The following SOX6 variants were observed in gnomAD, a reference collection of about 807,000 sequenced individuals.
SOX6 encodes SRY-box transcription factor 6, also known as transcription factor SOX-6.
In SOX6, 11 loss-of-function variants were observed where a neutral mutation model predicts 97.8. The ratio of observed to expected loss-of-function variants is 0.11; its 90% CI spans 0.07 to 0.19. The LOEUF (loss-of-function observed/expected upper bound fraction) is 0.19, where lower values mean the gene tolerates loss of function less well. Ranked by LOEUF, SOX6 falls within the 10% of genes least tolerant of loss-of-function variation. The pLI is 1.00. For missense variants in SOX6, 810 were observed against 1,039.5 expected, an observed-to-expected ratio of 0.78 and a Z score of 3.04; for synonymous variants, 360 against 371.4, an observed-to-expected ratio of 0.97 and a Z score of 0.35.
intron 9 of SOX6, among the ~76,000 whole-genome samples, chr11:16,074,825 T>C (rs925102764): frequency 6.6e-6 from 1 of 152,200 alleles, no homozygotes; most frequent in Non-Finnish European, 1.5e-5. Context: ...ATGCAATTCC[T>C]ATCAAACTAT....
chr11:16,548,096 T>C (rs1013216449), intron 4 of SOX6, among the ~76,000 whole-genome samples: 5 of 152,108 alleles, frequency 3.3e-5, no homozygotes, highest in Non-Finnish European at 5.9e-5. Flanking sequence ...TTAGAAGATA[T>C]GCAAGCTCAA....
intron 13 of SOX6, among the ~76,000 whole-genome samples, chr11:16,000,205 G>T (rs1854361731): frequency 6.6e-6 from 1 of 152,046 alleles, no homozygotes; most frequent in Admixed American, 6.6e-5. Context: ...CAAAAAAAAA[G>T]AAAAAGGATT....
intron 4 of SOX6, among the ~76,000 whole-genome samples, chr11:16,498,107 A>C (rs1401507015): frequency 3.9e-5 from 6 of 152,236 alleles, no homozygotes; most frequent in Non-Finnish European, 7.3e-5. Context: ...CATCAGACTA[A>C]CAGCTGATCT....
chr11:16,478,533 C>T (rs1197479621), upstream of SOX6, among the ~76,000 whole-genome samples: 1 of 152,124 alleles, frequency 6.6e-6, no homozygotes, highest in Non-Finnish European at 1.5e-5. Context: ...TCCAGTCGTG[C>T]TACATATGTT....
chr11:16,412,813 G>A (rs138085331), intron 1 of SOX6, among the ~76,000 whole-genome samples: 1 of 152,162 alleles, frequency 6.6e-6, no homozygotes, highest in Admixed American at 6.5e-5. Flanking sequence ...AGAAACCTCA[G>A]TAGAAAGACA....
chr11:16,365,204 G>A (rs1047552134), intron 1 of SOX6, among the ~76,000 whole-genome samples: 13 of 151,934 alleles, frequency 8.6e-5, no homozygotes, highest in African/African-American at 2.7e-4. Context: ...ACAGAGTACG[G>A]ATAGGGTTCA....
intron 12 of SOX6, among the ~76,000 whole-genome samples, chr11:16,036,311 TC>T (rs1300882211): frequency 6.6e-6 from 1 of 152,042 alleles, no homozygotes; most frequent in Non-Finnish European, 1.5e-5. Flanking sequence ...ACTCCCGACC[TC>T]AGGTGATCCA....
rs116428176 is a variant in SOX6, at chr11:16,512,190, C to T, written n.610-35802G>A. ...GAAAAGAGTACTAAGGGCTATATGT[C>T]CCAAATTGTGTATCAAGGCACCCCA... On this transcript the variant is annotated intron_variant and non_coding_transcript_variant, in intron 4 of 5. Coordinates refer to the SOX6 transcript ENST00000524520. Among the ~76,000 whole-genome samples, 1,258 of 152,152 alleles carry T rather than the reference C, an allele frequency of 8.3e-3. 21 individuals are homozygous for T. Among genetic ancestry groups the T allele is most frequent in the African/African-American group, 0.029 (1,194 of 41,500 alleles).
intron 1 of SOX6, among the ~76,000 whole-genome samples, chr11:16,362,114 GC>G (rs1044159170): frequency 1.3e-5 from 2 of 152,082 alleles, no homozygotes; most frequent in African/African-American, 4.8e-5. Flanking sequence ...CTAAAACAAA[GC>G]CCCTTCCCTT....
intron 6 of SOX6, among the ~76,000 whole-genome samples, chr11:16,142,993 AC>A (rs1850186469): frequency 6.6e-6 from 1 of 152,186 alleles, no homozygotes; most frequent in South Asian, 2.1e-4. Flanking sequence ...TTCAGGAAAT[AC>A]AGAGAACACC....
At chr11:16,505,932 T>C (rs1336379916) in intron 4 of SOX6, among the ~76,000 whole-genome samples, 1 of 152,158 alleles carries the variant, frequency 6.6e-6, no homozygotes, top group Non-Finnish European at 1.5e-5. Context: ...AGAGGATGTA[T>C]GGAAACAACT....
At chr11:16,152,312 GTCACAGGCGTGT>G (rs1316290612) in intron 6 of SOX6, among the ~76,000 whole-genome samples, 1 of 152,098 alleles carries the variant, frequency 6.6e-6, no homozygotes, top group Non-Finnish European at 1.5e-5. Flanking sequence ...ATGGTCAAAA[GTCACAGGCGTGT>G]TTGACCCCAC....
At chr11:15,986,061 C>T (rs1178629162) in intron 15 of SOX6, 143 bp downstream of exon 15, 3 of 836,584 alleles carry the variant, frequency 3.6e-6, no homozygotes, top group Admixed American at 3.7e-5. Context: ...TATGACACAG[C>T]AAAGATTCTC....
chr11:16,292,833 G>T (rs1242479258), intron 3 of SOX6, among the ~76,000 whole-genome samples: 1 of 152,164 alleles, frequency 6.6e-6, no homozygotes, highest in Non-Finnish European at 1.5e-5. Context: ...GGGAACCCGG[G>T]TTTTTAACCC....
chr11:16,096,111 T>C lies in SOX6; in HGVS notation c.986A>G (p.His329Arg). The C allele has an allele frequency of 1.2e-6, 2 of 1,609,822 alleles. No homozygotes were observed. The highest frequency in any genetic ancestry group is 1.1e-5 in the South Asian group (1 of 90,952). ...TTGGTTAATTTGTGGGTGGGAGACATGACCCTTCTGTTTAGTAGCATATTC... is the reference window on the plus strand; with the variant it reads ...TTGGTTAATTTGTGGGTGGGAGACACGACCCTTCTGTTTAGTAGCATATTC... ...GLSPLQLQKG[H>R]VSHPQINQRL... is the part of the protein sequence containing the mutation. Residue 329 changes from histidine to arginine, a missense_variant, in exon 9 of 16, where the codon CAT becomes CGT. This residue lies in a region of SOX6 where 244 missense variants were observed against 261.0 expected (regional missense o/e 0.93). Coordinates refer to ENST00000683767, the MANE Select transcript of SOX6 (RefSeq NM_001367873.1).
At chr11:16,554,472 GGGTAAGA>G (rs1187970802) in intron 4 of SOX6, among the ~76,000 whole-genome samples, 3 of 152,004 alleles carry the variant, frequency 2.0e-5, no homozygotes, top group Non-Finnish European at 4.4e-5. Context: ...ACTGCATACT[GGGTAAGA>G]ACAGTTAAAA....
At chr11:16,224,170 A>G (rs1362953172) in intron 4 of SOX6, among the ~76,000 whole-genome samples, 1 of 152,088 alleles carries the variant, frequency 6.6e-6, no homozygotes, top group African/African-American at 2.4e-5. Context: ...TATGATTTTT[A>G]GTTTTACACT....
intron 3 of SOX6, among the ~76,000 whole-genome samples, chr11:16,262,157 G>A (rs1425842575): frequency 7.9e-5 from 12 of 152,012 alleles, no homozygotes; most frequent in Admixed American, 4.6e-4. Flanking sequence ...CTAAATTGGA[G>A]GCTAATGTTA....
chr11:16,168,733 G>A (rs1395013191), intron 6 of SOX6, among the ~76,000 whole-genome samples: 1 of 152,030 alleles, frequency 6.6e-6, no homozygotes, highest in Non-Finnish European at 1.5e-5. Flanking sequence ...TGTACACAAG[G>A]CTCAGACACT....
Sources: allele counts gnomAD v4.1 joint callset (sites outside exome capture counted in the v4.1 genomes callset), GRCh38; gene constraint gnomAD v4.1.1; regional missense constraint gnomAD v4.1.1; transcripts MANE v1.5; gene names NCBI Gene and HGNC (gene_info 2026-07-23, HGNC 2026-07-21).